The following CDH18 variants were observed in gnomAD, a reference collection of about 807,000 sequenced individuals.
The protein encoded by CDH18 is cadherin 18, also known as cadherin-18.
Under a neutral mutation model 67.9 loss-of-function variants are expected in CDH18, and 31 were observed. The ratio of observed to expected loss-of-function variants is 0.46; its 90% confidence interval spans 0.34 to 0.62. The LOEUF is 0.62. CDH18 is among the 20% of genes least tolerant of loss of function. CDH18 has a pLI of 0.01. For missense variants in CDH18, 890 were observed against 975.5 expected (o/e 0.91, Z 1.17); for synonymous variants, 362 against 347.2 (o/e 1.04, Z -0.48).
intron 1 of CDH18, among the ~76,000 whole-genome samples, chr5:20,401,823 A>C (rs895648051): frequency 6.6e-6 from 1 of 152,180 alleles, no homozygotes; most frequent in African/African-American, 2.4e-5. Context: ...CCAGTAATTA[A>C]CTACAACATT....
In CDH18 at chr5:19,765,667, G is replaced by C. The variant is rs539386199; in HGVS notation, c.229-18431C>G. Among the ~76,000 whole-genome samples, 70 of 152,202 alleles carry C rather than the reference G, an allele frequency of 4.6e-4. No homozygotes were observed. The South Asian group carries it at 0.014, about 30-fold the overall frequency. On this transcript the variant is annotated intron_variant, in intron 3 of 12. Coordinates refer to ENST00000382275, the MANE Select transcript of CDH18 (RefSeq NM_004934.5). ...TGAGTCCTCGCTCTGGGAATTCAAC[G>C]AATGGGGAGAAGCTGTGGGTTGAGG...
chr5:19,961,379 T>A (rs1796891318), intron 2 of CDH18, among the ~76,000 whole-genome samples: 1 of 152,044 alleles, frequency 6.6e-6, no homozygotes, highest in Non-Finnish European at 1.5e-5. Flanking sequence ...ACCGCAAGGA[T>A]TACAGGCGTG....
At chr5:19,610,400 T>C (rs1748758420) in intron 6 of CDH18, among the ~76,000 whole-genome samples, 2 of 152,116 alleles carry the variant, frequency 1.3e-5, no homozygotes, top group African/African-American at 4.8e-5. Context: ...ATATGAATAA[T>C]ATTCCTTATA....
chr5:19,676,721 A>G (rs998388493), intron 5 of CDH18, among the ~76,000 whole-genome samples: 4 of 151,892 alleles, frequency 2.6e-5, no homozygotes, highest in Non-Finnish European at 4.4e-5. Flanking sequence ...CATACATACA[A>G]CTTCTTAAAC....
intron 1 of CDH18, among the ~76,000 whole-genome samples, chr5:20,272,968 A>G (rs1298349827): frequency 6.6e-6 from 1 of 152,098 alleles, no homozygotes; most frequent in Non-Finnish European, 1.5e-5. Context: ...ACGGGCAAAC[A>G]CTAAGAATAA....
chr5:20,265,285 A>C (rs2126645195), intron 1 of CDH18, among the ~76,000 whole-genome samples: 1 of 152,282 alleles, frequency 6.6e-6, no homozygotes, highest in East Asian at 1.9e-4. Flanking sequence ...TTAATACAAA[A>C]ATATTCCTAA....
At chr5:19,643,730 T>G (rs1385392823) in intron 5 of CDH18, among the ~76,000 whole-genome samples, 2 of 152,084 alleles carry the variant, frequency 1.3e-5, no homozygotes, top group Non-Finnish European at 1.5e-5. Context: ...AAGTCTTAGT[T>G]ATGCAAAATA....
intron 5 of CDH18, among the ~76,000 whole-genome samples, chr5:19,698,819 T>C (rs556166445): frequency 1.3e-5 from 2 of 152,258 alleles, no homozygotes; most frequent in South Asian, 2.1e-4. Context: ...GATTACACCA[T>C]TTAAACTTCA....
intron 1 of CDH18, among the ~76,000 whole-genome samples, chr5:20,489,248 T>A (rs1753427914): frequency 1.3e-5 from 2 of 152,168 alleles, no homozygotes; most frequent in South Asian, 4.1e-4. Flanking sequence ...CCTCTCACAA[T>A]TTTAAGCTAA....
chr5:19,847,603 A>T (rs568807535), intron 2 of CDH18, among the ~76,000 whole-genome samples: 1 of 152,016 alleles, frequency 6.6e-6, no homozygotes, highest in Admixed American at 6.6e-5. Flanking sequence ...CTAGAGATTT[A>T]TATGCCTCTT....
intron 2 of CDH18, among the ~76,000 whole-genome samples, chr5:20,176,048 C>CT (rs1188695440): frequency 4.6e-5 from 7 of 152,160 alleles, no homozygotes; most frequent in Admixed American, 4.6e-4. Context: ...AAGCCTTCAT[C>CT]TTTTTCCCCC....
At chr5:20,167,740 A>G (rs1736402927) in intron 2 of CDH18, among the ~76,000 whole-genome samples, 2 of 152,186 alleles carry the variant, frequency 1.3e-5, no homozygotes, top group East Asian at 1.9e-4. Flanking sequence ...AAGTAATACA[A>G]TGAAGATCCC....
chr5:20,308,268 G>C (rs947459610), intron 1 of CDH18, among the ~76,000 whole-genome samples: 1 of 151,860 alleles, frequency 6.6e-6, no homozygotes, highest in Non-Finnish European at 1.5e-5. Flanking sequence ...AAAGGCCGAG[G>C]GTGGTGGCTC....
At chr5:20,351,032 C>T (rs1741130206) in intron 1 of CDH18, among the ~76,000 whole-genome samples, 1 of 151,898 alleles carries the variant, frequency 6.6e-6, no homozygotes, top group Admixed American at 6.6e-5. Flanking sequence ...GCTCAAATGT[C>T]ATCTTCACAA....
intron 2 of CDH18, among the ~76,000 whole-genome samples, chr5:20,215,266 T>C (rs1000499566): frequency 3.2e-4 from 48 of 151,856 alleles, no homozygotes; most frequent in African/African-American, 1.2e-3. Context: ...ATTTGAGCAA[T>C]AAAATGAATA....
chr5:20,073,407 T>C (rs1254430000), intron 2 of CDH18, among the ~76,000 whole-genome samples: 1 of 151,990 alleles, frequency 6.6e-6, no homozygotes, highest in Non-Finnish European at 1.5e-5. Flanking sequence ...GCCCCTTGAG[T>C]GCATTCAAGT....
intron 6 of CDH18, among the ~76,000 whole-genome samples, chr5:19,610,605 A>G (rs999680989): frequency 6.6e-6 from 1 of 152,138 alleles, no homozygotes; most frequent in African/African-American, 2.4e-5. Context: ...ATGAATGTAC[A>G]TCTTTAAAAT....
At position 19,543,881 on chromosome 5, in the gene CDH18, C is replaced by T; in HGVS notation, c.1378G>A (p.Ala460Thr). Residue 460 changes from alanine to threonine, a missense_variant, in exon 9 of 13, where the codon GCT becomes ACT. By Grantham distance (58) the Ala-to-Thr change is moderately conservative. Transcript: ENST00000382275. ...ETPWYNITVT[A>T]SEIDNPDLLS... ...TAAAGTAGTTTACCAATTTCTGAAG[C>T]AGTGACTGTGATGTTGTACCATGGA... is the stretch of plus-strand genomic sequence containing the variant. 5.1e-6 allele frequency: 8 copies of T among 1,576,910 alleles called. No individual in the cohort carries two copies. The highest frequency in any genetic ancestry group is 6.9e-6 in the Non-Finnish European group (8 of 1,157,108).
At chr5:19,820,962 A>G (rs62355790) in intron 3 of CDH18, among the ~76,000 whole-genome samples, 15,270 of 152,242 alleles carry the variant, frequency 0.1, 828 homozygotes, top group African/African-American at 0.14. Flanking sequence ...TCATCGCAAT[A>G]ACAGAAACTT....
Sources: allele counts gnomAD v4.1 joint callset (sites outside exome capture counted in the v4.1 genomes callset), GRCh38; gene constraint gnomAD v4.1.1; transcripts MANE v1.5; gene names NCBI Gene and HGNC (gene_info 2026-07-23, HGNC 2026-07-21).